The following TFDP2 variants were observed in gnomAD, a reference collection of about 807,000 sequenced individuals.
The protein encoded by TFDP2 is transcription factor Dp-2 (E2F dimerization partner 2).
TFDP2 carries 17 observed loss-of-function variants against 59.3 expected under a neutral mutation model. The ratio of observed to expected loss-of-function variants is 0.29; its 90% CI spans 0.20 to 0.43. The LOEUF is 0.43. TFDP2 is among the 20% of genes least tolerant of loss of function. The pLI is 1.00. For missense variants in TFDP2, 391 were observed against 528.8 expected (o/e 0.74, Z 2.56); for synonymous variants, 180 against 194.7 (o/e 0.92, Z 0.63).
At chr3:142,141,497 C>T (rs1410378842) in intron 1 of TFDP2, among the ~76,000 whole-genome samples, 1 of 152,202 alleles carries the variant, frequency 6.6e-6, no homozygotes, top group African/African-American at 2.4e-5. Context: ...ATTCGGCCAT[C>T]TTGAACGAAG....
intron 1 of TFDP2, among the ~76,000 whole-genome samples, chr3:142,122,128 A>G (rs2062070277): frequency 6.6e-6 from 1 of 152,234 alleles, no homozygotes; most frequent in African/African-American, 2.4e-5. Context: ...AATGAAATAA[A>G]TAAAAGGCAT....
intron 1 of TFDP2, among the ~76,000 whole-genome samples, chr3:142,138,940 CGTT>C (rs2062832293): frequency 6.6e-6 from 1 of 152,040 alleles, no homozygotes; most frequent in South Asian, 2.1e-4. Context: ...TCTTCTGTCT[CGTT>C]GATCTAATAT....
At chr3:142,135,999 G>A (rs1431050256) in intron 1 of TFDP2, among the ~76,000 whole-genome samples, 2 of 152,010 alleles carry the variant, frequency 1.3e-5, no homozygotes, top group Non-Finnish European at 2.9e-5. Context: ...CACAATGGTT[G>A]AACTAATTTA....
chr3:142,125,598 G>A (rs2062210143), intron 1 of TFDP2, among the ~76,000 whole-genome samples: 1 of 151,970 alleles, frequency 6.6e-6, no homozygotes, highest in Admixed American at 6.6e-5. Context: ...TAGTAGACTA[G>A]CTAAACACAT....
rs894222250 is a variant in TFDP2, at chr3:142,084,236, C to T, written c.82+8825G>A. On this transcript the variant is annotated intron_variant, in intron 3 of 12. Transcript: ENST00000489671. ...CAGGTATATAAAAAGTGCTCAAAAT[C>T]ACTGATTATCAGAGAAATGCAAATT... Among the ~76,000 whole-genome samples, 8 of 152,276 alleles carry T rather than the reference C, an allele frequency of 5.3e-5. No individual in the cohort carries two copies. In the East Asian group the frequency reaches 1.4e-3, roughly 26 times the overall value.
intron 11 of TFDP2, among the ~76,000 whole-genome samples, chr3:141,956,315 G>A (rs926135402): frequency 6.6e-6 from 1 of 152,174 alleles, no homozygotes; most frequent in Non-Finnish European, 1.5e-5. Context: ...ACTGTGGGAG[G>A]CCGAAGCGGG....
At chr3:141,984,424 G>A (rs1177383207) in intron 6 of TFDP2, among the ~76,000 whole-genome samples, 1 of 152,146 alleles carries the variant, frequency 6.6e-6, no homozygotes, top group Non-Finnish European at 1.5e-5. Context: ...TTGAACCCAG[G>A]AGGCAGAGGT....
intron 3 of TFDP2, among the ~76,000 whole-genome samples, chr3:142,047,503 A>G (rs563818073): frequency 2.0e-5 from 3 of 151,952 alleles, no homozygotes; most frequent in East Asian, 3.9e-4. Flanking sequence ...CTGTCCCCCT[A>G]TTTTGCCTTT....
At chr3:141,991,479 C>T (rs1163284162) in intron 6 of TFDP2, among the ~76,000 whole-genome samples, 1 of 152,130 alleles carries the variant, frequency 6.6e-6, no homozygotes, top group East Asian at 1.9e-4. Flanking sequence ...AAAAAAAAGG[C>T]CAGGTGTGGT....
intron 1 of TFDP2, among the ~76,000 whole-genome samples, chr3:142,127,193 T>TA (rs966927654): frequency 4.0e-5 from 6 of 148,266 alleles, no homozygotes; most frequent in African/African-American, 1.5e-4. Flanking sequence ...CTATAAGATA[T>TA]ATATTAATAT....
intron 1 of TFDP2, among the ~76,000 whole-genome samples, chr3:142,124,297 A>C (rs2062156651): frequency 6.6e-6 from 1 of 152,216 alleles, no homozygotes; most frequent in South Asian, 2.1e-4. Flanking sequence ...ATGGAAACAC[A>C]GAAGGATTGA....
Position 142,146,783 on chromosome 3 carries a change from C to T in TFDP2, c.-93+2400G>A, listed in dbSNP as rs1252888028. ...GAGGAGATGTGAATGAAAACAATGA[C>T]ACAAAAGTCACTAGCAGAGGTTAAA... is the stretch of plus-strand genomic sequence containing the variant. On this transcript the variant is annotated intron_variant, in intron 1 of 12. Coordinates refer to ENST00000489671, the MANE Select transcript of TFDP2 (RefSeq NM_001178139.2). Among the ~76,000 whole-genome samples, 10 of 152,076 alleles carry T rather than the reference C, an allele frequency of 6.6e-5. No individual in the cohort carries two copies. The East Asian group carries it at 1.7e-3, about 26-fold the overall frequency.
intron 9 of TFDP2, among the ~76,000 whole-genome samples, chr3:141,969,290 CCGGCCT>C (rs1939340779): frequency 3.3e-5 from 4 of 121,436 alleles, no homozygotes; most frequent in Non-Finnish European, 6.7e-5. Flanking sequence ...ATATATATAA[CCGGCCT>C]AAATTTTGGT....
intron 6 of TFDP2, among the ~76,000 whole-genome samples, chr3:141,984,267 C>T (rs112319814): frequency 0.015 from 2,262 of 152,092 alleles, 26 homozygotes; most frequent in South Asian, 0.037. Flanking sequence ...TTTGGGAGGC[C>T]GAGGTAGGCG....
chr3:141,990,642 C>T (rs781607929), intron 6 of TFDP2, among the ~76,000 whole-genome samples: 1 of 152,088 alleles, frequency 6.6e-6, no homozygotes. Flanking sequence ...AGAGTGTTTA[C>T]ATCCTGTGGC....
chr3:142,145,472 A>G (rs949468750), intron 1 of TFDP2: 9 of 152,232 alleles, frequency 5.9e-5, no homozygotes, highest in African/African-American at 2.2e-4. Context: ...TTAGTAGCAC[A>G]TATACTAAAC....
chr3:141,991,585 C>T (rs1358520178), intron 6 of TFDP2, among the ~76,000 whole-genome samples: 3 of 152,030 alleles, frequency 2.0e-5, no homozygotes, highest in African/African-American at 7.3e-5. Context: ...TGGTGAAACC[C>T]CATCTCTACT....
rs377601234 is a variant in TFDP2 at position 141,993,603 on chromosome 3, T to C, written c.309-18A>G. 3.4e-6 allele frequency: 5 copies of C among 1,482,830 alleles called. No individual in the cohort carries two copies. In the East Asian group the frequency reaches 9.1e-5, roughly 27 times the overall value. The allele number at this position is 1,482,830 out of a possible 1,614,324, so 91.9% of individuals were successfully genotyped here. ...TTCTATCACTAAAAAGGAAAAAAGA[T>C]AGCATAAAAACAATACATACTTAAA... On this transcript the variant is annotated intron_variant, in intron 5 of 12. Transcript: ENST00000489671.
intron 9 of TFDP2, among the ~76,000 whole-genome samples, chr3:141,964,697 C>T (rs1937680526): frequency 1.3e-5 from 2 of 152,018 alleles, no homozygotes; most frequent in Admixed American, 1.3e-4. Context: ...GGAAGTGGTG[C>T]TGTTGAGGCT....
Sources: gnomAD v4.1 joint callset for allele counts (sites outside exome capture counted in the v4.1 genomes callset) on GRCh38, gnomAD v4.1.1 for gene constraint, MANE v1.5 for transcripts, NCBI Gene and HGNC (gene_info 2026-07-23, HGNC 2026-07-21) for gene names.